CLTCL1: variants seen among roughly 807,000 people sequenced by gnomAD.
The protein encoded by CLTCL1 is clathrin heavy chain like 1, also known as clathrin heavy chain 2.
A neutral mutation model predicts 190.0 loss-of-function variants in CLTCL1; 159 were observed. The observed-to-expected ratio is 0.84, with a 90% confidence interval of 0.74 to 0.95. CLTCL1 has a LOEUF of 0.95. Among genes scored for constraint, CLTCL1 ranks in the 40% least tolerant of loss-of-function variants. The probability of loss-of-function intolerance (pLI) is 0.00; values close to 1 mark genes in which losing one functional copy is unlikely to be tolerated. For missense variants in CLTCL1, 1,878 were observed against 2,033.4 expected (o/e 0.92, Z 1.47); for synonymous variants, 752 against 769.6 (o/e 0.98, Z 0.38).
intron 27 of CLTCL1, among the ~76,000 whole-genome samples, chr22:19,189,535 A>C (rs747121062): frequency 3.3e-5 from 5 of 152,190 alleles, no homozygotes; most frequent in Admixed American, 6.5e-5. Context: ...CATCCCTAAG[A>C]AGCAGCTCCT....
At chr22:19,226,020 G>A (rs2085730878) in intron 12 of CLTCL1, among the ~76,000 whole-genome samples, 199 bp downstream of exon 12, 1 of 152,226 alleles carries the variant, frequency 6.6e-6, no homozygotes, top group East Asian at 1.9e-4. Flanking sequence ...GTGCTACAGG[G>A]CCCAGACATG....
intron 31 of CLTCL1, 79 bp from the exon 32 acceptor site, chr22:19,180,317 T>G: frequency 7.0e-7 from 1 of 1,431,062 alleles, no homozygotes; most frequent in South Asian, 1.2e-5. Flanking sequence ...TGCTGCACAC[T>G]CACACCACAC....
chr22:19,192,500 GGGT>G (rs1359904147), intron 26 of CLTCL1, among the ~76,000 whole-genome samples: 1 of 152,164 alleles, frequency 6.6e-6, no homozygotes, highest in Non-Finnish European at 1.5e-5. Context: ...GTGAGTGTGG[GGGT>G]CCCGGGATGT....
chr22:19,278,417 G>C (rs1385688814), intron 1 of CLTCL1, among the ~76,000 whole-genome samples: 1 of 152,142 alleles, frequency 6.6e-6, no homozygotes, highest in African/African-American at 2.4e-5. Flanking sequence ...CCAGGGCACA[G>C]AGCCCCAGGA....
intron 13 of CLTCL1, 46 bp from the exon 14 acceptor site, chr22:19,224,100 G>A (rs1431965798): frequency 5.0e-6 from 8 of 1,601,172 alleles, no homozygotes; most frequent in Non-Finnish European, 6.8e-6. Context: ...ACACCTGCCT[G>A]TCTCCTCCGT....
At chr22:19,289,203 G>C (rs1045091589) in intron 1 of CLTCL1, among the ~76,000 whole-genome samples, 1 of 152,204 alleles carries the variant, frequency 6.6e-6, no homozygotes. Flanking sequence ...GGCTGGTCTC[G>C]AACTCCTGAT....
chr22:19,197,919 T>C (rs2084761588), intron 24 of CLTCL1, among the ~76,000 whole-genome samples: 1 of 152,176 alleles, frequency 6.6e-6, no homozygotes, highest in Non-Finnish European at 1.5e-5. Flanking sequence ...TAGATGGATG[T>C]GGATCACCTA....
intron 20 of CLTCL1, 48 bp from the exon 21 acceptor site, chr22:19,209,162 C>A (rs781907906): frequency 3.4e-6 from 5 of 1,482,274 alleles, no homozygotes; most frequent in South Asian, 1.3e-5. Context: ...CTAGTCAGCT[C>A]CAAAAAACAG....
intron 2 of CLTCL1, among the ~76,000 whole-genome samples, chr22:19,273,576 C>CA (rs2087394818): frequency 6.6e-6 from 1 of 152,102 alleles, no homozygotes; most frequent in Non-Finnish European, 1.5e-5. Context: ...ACAGCAAGCA[C>CA]AGAAAAAACA....
chr22:19,193,453 G>A (rs1347860117), intron 26 of CLTCL1, among the ~76,000 whole-genome samples: 5 of 152,278 alleles, frequency 3.3e-5, no homozygotes, highest in Middle Eastern at 3.4e-3. Flanking sequence ...CTGAAAGACA[G>A]GATGGGGTGA....
intron 19 of CLTCL1, among the ~76,000 whole-genome samples, chr22:19,210,742 CA>C (rs1241898429): frequency 7.2e-5 from 11 of 152,180 alleles, no homozygotes; most frequent in Non-Finnish European, 1.3e-4. Context: ...ATGTGCCAAT[CA>C]AACCACTGGG....
chr22:19,291,461 A>G, intron 1 of CLTCL1, 139 bp downstream of exon 1: 1 of 793,800 alleles, frequency 1.3e-6, no homozygotes, highest in Non-Finnish European at 1.7e-6. Flanking sequence ...CCGCAGCCCC[A>G]GCCCAGGTGG....
At chr22:19,289,061 G>A (rs549080284) in intron 1 of CLTCL1, among the ~76,000 whole-genome samples, 51 of 152,314 alleles carry the variant, frequency 3.3e-4, no homozygotes, top group African/African-American at 1.1e-3. Flanking sequence ...TTGGCTCACT[G>A]CAACCTCTGC....
At position 19,237,983 on chromosome 22, in the gene CLTCL1, T is replaced by A. The variant is rs1220314653; in HGVS notation, c.795+1292A>T. 4.6e-5 allele frequency among the ~76,000 whole-genome samples: 7 copies of A among 152,364 alleles called. No individual in the cohort carries two copies. In the East Asian group the frequency reaches 1.3e-3, roughly 29 times the overall value. Reference sequence around the variant, plus strand: ...AGAGTAAAAAGGAGAGTAGATTATATAATCTTACATATATAATGTGATGCC... The same window carrying A: ...AGAGTAAAAAGGAGAGTAGATTATAAAATCTTACATATATAATGTGATGCC... On this transcript the variant is annotated intron_variant, in intron 5 of 32. Coordinates refer to ENST00000427926, the MANE Select transcript of CLTCL1 (RefSeq NM_007098.4).
At chr22:19,236,642 T>C (rs2086090532) in intron 5 of CLTCL1, among the ~76,000 whole-genome samples, 1 of 152,060 alleles carries the variant, frequency 6.6e-6, no homozygotes, top group Non-Finnish European at 1.5e-5. Context: ...AGAGAATGAA[T>C]CATATATGAG....
chr22:19,268,535 A>T (rs1373778676), intron 2 of CLTCL1, among the ~76,000 whole-genome samples: 5 of 152,188 alleles, frequency 3.3e-5, no homozygotes, highest in Non-Finnish European at 7.3e-5. Flanking sequence ...GAACTGGGCA[A>T]ATATTTAAAT....
chr22:19,213,430 A>C (rs575838542), intron 19 of CLTCL1, among the ~76,000 whole-genome samples: 16 of 152,368 alleles, frequency 1.1e-4, no homozygotes, highest in African/African-American at 3.8e-4. Context: ...TTTCTTAAAC[A>C]GTACATATAC....
Position 19,235,872 on chromosome 22 carries a change from A to G in CLTCL1, c.796-3T>C, listed in dbSNP as rs1434099774. 2.5e-6 allele frequency: 4 copies of G among 1,612,004 alleles called. No individual in the cohort carries two copies. The highest frequency in any genetic ancestry group is 2.7e-5 in the African/African-American group (2 of 74,878). ...ATAACACCATGTTTAGCTCCAATCT[A>G]TAAGAAGACAGAGAGCAAGAGGTTG... On this transcript the variant is annotated splice_polypyrimidine_tract_variant and splice_region_variant and intron_variant, in intron 5 of 32. Coordinates refer to ENST00000427926, the MANE Select transcript of CLTCL1 (RefSeq NM_007098.4).
At chr22:19,245,097 A>C (rs559174167) in intron 3 of CLTCL1, among the ~76,000 whole-genome samples, 10 of 152,098 alleles carry the variant, frequency 6.6e-5, no homozygotes, top group Admixed American at 6.6e-4. Context: ...ACAGGAACAG[A>C]AGTTGTTTCA....
Sources: allele counts gnomAD v4.1 joint callset (sites outside exome capture counted in the v4.1 genomes callset), GRCh38; gene constraint gnomAD v4.1.1; transcripts MANE v1.5; gene names NCBI Gene and HGNC (gene_info 2026-07-23, HGNC 2026-07-21).